Variants in UACA observed in about 807,000 individuals in gnomAD.
UACA encodes the protein nuclear membrane binding protein.
A neutral mutation model predicts 160.5 loss-of-function variants in UACA; 112 were observed. The observed-to-expected ratio is 0.70, with a 90% CI of 0.60 to 0.82. The LOEUF (loss-of-function observed/expected upper bound fraction) is 0.82. Among genes scored for constraint, UACA ranks in the 40% least tolerant of loss-of-function variants. UACA has a pLI of 0.00. For missense variants in UACA, 1,574 were observed against 1,614.6 expected (o/e 0.97, Z 0.43); for synonymous variants, 557 against 568.4 (o/e 0.98, Z 0.29).
chr15:70,771,406 T>C, the UACA span, among the ~76,000 whole-genome samples: 2 of 152,234 alleles, frequency 1.3e-5, no homozygotes, highest in African/African-American at 4.8e-5. Context: ...GCTGCTACAT[T>C]CTGCAATAAA....
chr15:70,714,546 A>G (rs1285534244), intron 1 of UACA, among the ~76,000 whole-genome samples: 1 of 152,238 alleles, frequency 6.6e-6, no homozygotes, highest in Non-Finnish European at 1.5e-5. Context: ...GACCAAGGCA[A>G]GAACAGGCTT....
At chr15:70,711,863 T>C (rs1235882594) in intron 1 of UACA, among the ~76,000 whole-genome samples, 1 of 152,028 alleles carries the variant, frequency 6.6e-6, no homozygotes, top group Non-Finnish European at 1.5e-5. Flanking sequence ...GACTAACCTA[T>C]CTATTAAAAG....
At chr15:70,684,511 TG>T in intron 7 of UACA, 65 bp from the exon 8 acceptor site, 1 of 1,505,146 alleles carries the variant, frequency 6.6e-7, no homozygotes, top group Non-Finnish European at 9.0e-7. Flanking sequence ...AGAAATATTC[TG>T]CCCTATTGTT....
intron 1 of UACA, among the ~76,000 whole-genome samples, chr15:70,738,477 A>G (rs1566995305): frequency 6.6e-6 from 1 of 152,150 alleles, no homozygotes; most frequent in Non-Finnish European, 1.5e-5. Context: ...AACAAAACAC[A>G]CCTGGCCTGG....
At chr15:70,663,497 T>A (rs1896792627) in intron 17 of UACA, among the ~76,000 whole-genome samples, 1 of 152,150 alleles carries the variant, frequency 6.6e-6, no homozygotes, top group Non-Finnish European at 1.5e-5. Flanking sequence ...GACCCAGCCA[T>A]CCCATTACTG....
At chr15:70,661,963 C>T (rs1896721338) in intron 17 of UACA, among the ~76,000 whole-genome samples, 1 of 152,120 alleles carries the variant, frequency 6.6e-6, no homozygotes, top group Non-Finnish European at 1.5e-5. Context: ...GACAGGGATG[C>T]CCTCTCTCGC....
chr15:70,743,148 G>A (rs1202755831), intron 1 of UACA, among the ~76,000 whole-genome samples: 2 of 152,134 alleles, frequency 1.3e-5, no homozygotes, highest in Non-Finnish European at 2.9e-5. Context: ...CTTCTCACAT[G>A]GCCCCGTCCA....
At chr15:70,763,297 G>A (rs1008716933) in intron 1 of UACA, 33 bp downstream of exon 1, 4 of 1,320,906 alleles carry the variant, frequency 3.0e-6, no homozygotes, top group Non-Finnish European at 3.9e-6. Context: ...CTCCCGGAGC[G>A]GAGCGCCTCG....
chr15:70,774,975 C>T, the UACA span, among the ~76,000 whole-genome samples: 10 of 152,202 alleles, frequency 6.6e-5, no homozygotes, highest in South Asian at 2.1e-3. Context: ...TGGAGGATCA[C>T]TTGAGCCTGG....
intron 1 of UACA, among the ~76,000 whole-genome samples, chr15:70,741,836 G>C (rs536173447): frequency 6.6e-6 from 1 of 152,246 alleles, no homozygotes; most frequent in East Asian, 1.9e-4. Context: ...AATACTAGCA[G>C]TTAGAAGCAA....
chr15:70,683,878 T>G (rs951844593), intron 8 of UACA, among the ~76,000 whole-genome samples: 1 of 151,872 alleles, frequency 6.6e-6, no homozygotes, highest in Non-Finnish European at 1.5e-5. Context: ...AGGCATTTGG[T>G]AAATATCAGC....
chr15:70,681,786 A>G (rs1897516560), intron 9 of UACA: 1 of 152,244 alleles, frequency 6.6e-6, no homozygotes, highest in South Asian at 2.1e-4. Flanking sequence ...AAGCTTTAAT[A>G]TAACTTTCAT....
the UACA span, among the ~76,000 whole-genome samples, chr15:70,777,701 C>T: frequency 1.3e-5 from 2 of 152,082 alleles, no homozygotes; most frequent in Non-Finnish European, 2.9e-5. Flanking sequence ...ACCTGGACCA[C>T]GGGCAAGTAG....
At chr15:70,727,359 TTC>T (rs1206590596) in intron 1 of UACA, among the ~76,000 whole-genome samples, 3 of 152,194 alleles carry the variant, frequency 2.0e-5, no homozygotes, top group Admixed American at 2.0e-4. Context: ...TATAACTTTT[TTC>T]TCATTTTATT....
At chr15:70,718,677 T>A (rs917471868) in intron 1 of UACA, among the ~76,000 whole-genome samples, 1 of 152,142 alleles carries the variant, frequency 6.6e-6, no homozygotes, top group African/African-American at 2.4e-5. Flanking sequence ...AAGTTTGTTA[T>A]CTTGAGAAGC....
intron 1 of UACA, among the ~76,000 whole-genome samples, chr15:70,736,446 G>T (rs1054170926): frequency 2.6e-5 from 4 of 151,558 alleles, no homozygotes; most frequent in African/African-American, 4.8e-5. Flanking sequence ...TGCTTTTTTT[G>T]GGGGGTGGGA....
Position 70,667,943 on chromosome 15 carries a change from G to A in UACA, c.2741C>T (p.Thr914Ile), listed in dbSNP as rs186541436. The A allele has an allele frequency of 6.3e-5, 101 of 1,611,694 alleles. No homozygotes were observed. In the East Asian group the frequency reaches 2.2e-3, roughly 36 times the overall value. ...GTACTCAGCTTTTATTTGGTTCTGA[G>A]TGTTTTCCAGGTTTCTTTTTAATAT... ...NEILKRNLEN[T>I]QNQIKAEYIS... The change falls in exon 16 of 19, where the codon ACT becomes ATT. Residue 914 changes from threonine to isoleucine, a missense_variant. Transcript: ENST00000322954.
intron 8 of UACA, 62 bp from the exon 9 acceptor site, chr15:70,682,857 T>C (rs1226917759): frequency 3.7e-6 from 4 of 1,083,782 alleles, no homozygotes; most frequent in Admixed American, 2.4e-5. Flanking sequence ...AGGTACGCAT[T>C]CCCTAACTAT....
chr15:70,737,858 G>C (rs767780889), intron 1 of UACA, among the ~76,000 whole-genome samples: 1 of 152,178 alleles, frequency 6.6e-6, no homozygotes, highest in Non-Finnish European at 1.5e-5. Flanking sequence ...AGTAGAAGTG[G>C]AGCATCAGCC....
Sources: allele counts gnomAD v4.1 joint callset (sites outside exome capture counted in the v4.1 genomes callset), GRCh38; gene constraint gnomAD v4.1.1; transcripts MANE v1.5; gene names NCBI Gene and HGNC (gene_info 2026-07-23, HGNC 2026-07-21).